Variants in NAA16 observed in about 807,000 individuals in gnomAD.
NAA16 encodes the protein NARG1-like protein.
NAA16 carries 97 observed loss-of-function variants against 110.3 expected under a neutral mutation model. The observed-to-expected ratio is 0.88, with a 90% confidence interval of 0.75 to 1.04. NAA16 has a LOEUF of 1.04. NAA16 is among the 50% of genes least tolerant of loss of function. The pLI is 0.00. For synonymous variants in NAA16, 372 were observed against 330.6 expected (o/e 1.13, Z -1.36); for missense variants, 1,017 against 1,005.1 (o/e 1.01, Z -0.16).
intron 15 of NAA16, among the ~76,000 whole-genome samples, chr13:41,369,967 A>AT (rs1299127471): frequency 6.6e-6 from 1 of 152,216 alleles, no homozygotes; most frequent in Non-Finnish European, 1.5e-5. Flanking sequence ...TACAGCAGCA[A>AT]TACAATTGTC....
At chr13:41,317,839 G>A (rs1032966039) in intron 2 of NAA16, among the ~76,000 whole-genome samples, 2 of 152,144 alleles carry the variant, frequency 1.3e-5, no homozygotes, top group Non-Finnish European at 2.9e-5. Context: ...CATTCTTCTT[G>A]TGTAATTCCC....
At chr13:41,330,774 G>A (rs2042218148) in intron 7 of NAA16, among the ~76,000 whole-genome samples, 1 of 151,994 alleles carries the variant, frequency 6.6e-6, no homozygotes, top group Non-Finnish European at 1.5e-5. Flanking sequence ...AAGATTTTAA[G>A]TGTTAAAGTT....
At chr13:41,326,228 A>G (rs573721928) in intron 6 of NAA16, among the ~76,000 whole-genome samples, 2 of 152,340 alleles carry the variant, frequency 1.3e-5, no homozygotes, top group South Asian at 4.1e-4. Context: ...TGATACTGGG[A>G]TCATCATGAA....
intron 4 of NAA16, among the ~76,000 whole-genome samples, chr13:41,322,629 T>C (rs1339240677): frequency 6.6e-6 from 1 of 152,208 alleles, no homozygotes; most frequent in Non-Finnish European, 1.5e-5. Flanking sequence ...TTTGGGTGTT[T>C]CGCCTGGCTG....
chr13:41,323,319 G>T (rs2041995615), intron 5 of NAA16, 129 bp downstream of exon 5: 1 of 877,092 alleles, frequency 1.1e-6, no homozygotes, highest in Non-Finnish European at 1.8e-6. Flanking sequence ...GACGTAATTG[G>T]AAACAGTTAA....
In NAA16 at chr13:41,318,915, C is replaced by G. The variant is rs986674959; in HGVS notation, c.244+5C>G. ...ATGATGTCAAGAGTCATGTCTGTATCCTTTTGCAGTAGTTAAATAGTTTAT... is the reference window on the plus strand; with the variant it reads ...ATGATGTCAAGAGTCATGTCTGTATGCTTTTGCAGTAGTTAAATAGTTTAT... On this transcript the variant is annotated splice_donor_5th_base_variant and intron_variant, in intron 3 of 19. Transcript: ENST00000379406. The G allele has an allele frequency of 2.0e-6, 3 of 1,509,584 alleles. No individual in the cohort carries two copies. In the African/African-American group the frequency reaches 4.2e-5, roughly 21 times the overall value. 93.5% of individuals were successfully genotyped at this position (1,509,584 alleles called of 1,614,324 possible).
chr13:41,325,859 G>A lies in NAA16; in HGVS notation c.691+8G>A. On this transcript the variant is annotated splice_region_variant and intron_variant, in intron 6 of 19. Transcript: ENST00000379406. ...TGGTGGAAGAAATTAAAGGTAAGTT[G>A]GCTTGCCTTTTTTTAATAGCCTCAA... 6.3e-7 allele frequency: 1 copy of A among 1,588,008 alleles called. No homozygotes were observed. Among genetic ancestry groups the A allele is most frequent in the Non-Finnish European group, 8.6e-7 (1 of 1,169,542 alleles).
intron 9 of NAA16, 45 bp from the exon 10 acceptor site, chr13:41,355,099 T>G (rs1172496908): frequency 8.1e-7 from 1 of 1,232,434 alleles, no homozygotes; most frequent in Non-Finnish European, 1.2e-6. Context: ...TAAAAATACC[T>G]TCAAGAAGAT....
rs76043207 is a variant in NAA16, at chr13:41,371,113, C to G, written c.1948-1090C>G. 9.4e-4 allele frequency among the ~76,000 whole-genome samples: 143 copies of G among 152,218 alleles called. 3 individuals are homozygous for G. In the South Asian group the frequency reaches 0.016, roughly 17 times the overall value. ...CAAGATTAGGGAACCTGGAGAAATTCAAGAGCTAATAGATGCCACACCAGA... is the reference window on the plus strand; with the variant it reads ...CAAGATTAGGGAACCTGGAGAAATTGAAGAGCTAATAGATGCCACACCAGA... On this transcript the variant is annotated intron_variant, in intron 15 of 19. Coordinates refer to ENST00000379406, the MANE Select transcript of NAA16 (RefSeq NM_024561.5).
Position 41,325,820 on chromosome 13 carries a change from A to G in NAA16, c.660A>G (p.Ile220Met), listed in dbSNP as rs1381163173. The G allele has an allele frequency of 1.9e-6, 3 of 1,607,518 alleles. No individual in the cohort carries two copies. Among genetic ancestry groups the G allele is most frequent in the Non-Finnish European group, 2.5e-6 (3 of 1,177,354 alleles). ...LEHIEMYEKQ[I>M]CDKLLVEEIK... Reference sequence around the variant, plus strand: ...ATATAGAAATGTATGAGAAACAAATATGTGATAAACTTTTGGTGGAAGAAA... The same window carrying G: ...ATATAGAAATGTATGAGAAACAAATGTGTGATAAACTTTTGGTGGAAGAAA... Residue 220 changes from isoleucine (I) to methionine (M), a missense_variant, in exon 6 of 20, where the codon ATA (isoleucine) becomes ATG (methionine). By Grantham distance (10) the Ile-to-Met change is conservative. Transcript: ENST00000379406.
chr13:41,315,624 A>G (rs1429902705), intron 1 of NAA16, among the ~76,000 whole-genome samples: 2 of 152,190 alleles, frequency 1.3e-5, no homozygotes, highest in Non-Finnish European at 2.9e-5. Context: ...CAAATTTTTT[A>G]CAGACATATC....
chr13:41,320,708 TATG>T lies in NAA16; in HGVS notation c.291_293del (p.Asp97del), dbSNP rs1457992666. The T allele has an allele frequency of 4.3e-6, 7 of 1,612,010 alleles. No individual in the cohort carries two copies. The highest frequency in any genetic ancestry group is 2.7e-5 in the African/African-American group (2 of 74,860). ...ACTCTTGCAGCGTTCTGATAAAAAA[TATG>T]ATGAAGCTATAAAATGTTACCGAAA... On this transcript the variant is annotated inframe_deletion, in exon 4 of 20. Transcript: ENST00000379406.
intron 13 of NAA16, among the ~76,000 whole-genome samples, chr13:41,366,188 T>C (rs967094372): frequency 6.6e-6 from 1 of 152,178 alleles, no homozygotes; most frequent in Non-Finnish European, 1.5e-5. Context: ...CATAAACTAA[T>C]GTGAAATGTT....
At position 41,320,712 on chromosome 13, in the gene NAA16, A is replaced by T; in HGVS notation, c.290A>T (p.Asp97Val). The part of the protein sequence containing the change: ...GLLQRSDKKY[D>V]EAIKCYRNAL... ...TTGCAGCGTTCTGATAAAAAATATGATGAAGCTATAAAATGTTACCGAAAT... is the reference window on the plus strand; with the variant it reads ...TTGCAGCGTTCTGATAAAAAATATGTTGAAGCTATAAAATGTTACCGAAAT... Residue 97 changes from aspartate (D) to valine (V), a missense_variant, in exon 4 of 20, where the codon GAT (aspartate) becomes GTT (valine). Physicochemically the swap from Asp to Val is radical, Grantham distance 152. Coordinates refer to ENST00000379406, the MANE Select transcript of NAA16 (RefSeq NM_024561.5). 1 of 1,612,464 alleles carries T rather than the reference A, an allele frequency of 6.2e-7. No individual in the cohort carries two copies. The highest frequency in any genetic ancestry group is 1.1e-5 in the South Asian group (1 of 90,740).
Position 41,351,189 on chromosome 13 carries a change from G to A in NAA16, c.1015-3955G>A, listed in dbSNP as rs533227707. ...GGAAAATAATACGTAAAGCATTGGT[G>A]TGTGTTTTAATTAAATAATAAAGTT... On this transcript the variant is annotated intron_variant, in intron 9 of 19. Coordinates refer to ENST00000379406, the MANE Select transcript of NAA16 (RefSeq NM_024561.5). Among the ~76,000 whole-genome samples the A allele has an allele frequency of 4.1e-4, 62 of 152,286 alleles. 1 individual carries two copies. In the South Asian group the frequency reaches 5.0e-3, roughly 12 times the overall value.
intron 5 of NAA16, 31 bp downstream of exon 5, chr13:41,323,221 A>C (rs1049713854): frequency 5.0e-5 from 80 of 1,605,980 alleles, no homozygotes; most frequent in Non-Finnish European, 6.6e-5. Context: ...TTCTACCTTC[A>C]TAAATGGAGT....
chr13:41,372,671 A>G (rs1593535858), intron 16 of NAA16, 61 bp from the exon 17 acceptor site: 2 of 1,448,446 alleles, frequency 1.4e-6, no homozygotes, highest in South Asian at 3.1e-5. Flanking sequence ...AGACTGAAAT[A>G]AAGTGAGGAA....
At chr13:41,315,091 C>T (rs1032433910) in intron 1 of NAA16, among the ~76,000 whole-genome samples, 2 of 152,058 alleles carry the variant, frequency 1.3e-5, no homozygotes, top group Non-Finnish European at 2.9e-5. Flanking sequence ...AATAAGATTT[C>T]AGGAAATGAT....
At chr13:41,323,353 CTTT>C (rs372356009) in intron 5 of NAA16, among the ~76,000 whole-genome samples, 163 bp downstream of exon 5, 1 of 145,312 alleles carries the variant, frequency 6.9e-6, no homozygotes, top group Non-Finnish European at 1.5e-5. Flanking sequence ...TTTTCTCTCT[CTTT>C]TTTTTTTTTT....
Sources: allele counts gnomAD v4.1 joint callset (sites outside exome capture counted in the v4.1 genomes callset), GRCh38; gene constraint gnomAD v4.1.1; transcripts MANE v1.5; gene names NCBI Gene and HGNC (gene_info 2026-07-23, HGNC 2026-07-21).